BACH2: variants seen among roughly 807,000 people sequenced by gnomAD.
The protein encoded by BACH2 is BACH transcriptional regulator 2, also known as transcription regulator protein BACH2.
Under a neutral mutation model 61.8 loss-of-function variants are expected in BACH2, and 5 were observed. The observed-to-expected ratio is 0.08, with a 90% CI of 0.04 to 0.17. BACH2 has a LOEUF of 0.17. Ranked by LOEUF, BACH2 falls within the 10% of genes least tolerant of loss-of-function variation. The pLI, the probability that BACH2 is intolerant of heterozygous loss-of-function variation, is 1.00. For synonymous variants in BACH2, 446 were observed against 440.1 expected (o/e 1.01, Z -0.17); for missense variants, 824 against 1,091.1 (o/e 0.76, Z 3.45).
intron 7 of BACH2, among the ~76,000 whole-genome samples, chr6:89,947,368 G>A (rs1584513790): frequency 6.6e-6 from 1 of 152,150 alleles, no homozygotes. Context: ...GTCATGGCAA[G>A]TCCCTGAGAC....
intron 3 of BACH2, among the ~76,000 whole-genome samples, chr6:90,251,335 G>T: frequency 6.6e-6 from 1 of 152,082 alleles, no homozygotes. Context: ...TTTTAGACAA[G>T]ATCAGGCACG....
chr6:89,980,485 T>G lies in BACH2; in HGVS notation c.243+28117A>C, dbSNP rs572953193. 4.6e-4 allele frequency among the ~76,000 whole-genome samples: 70 copies of G among 152,370 alleles called. 1 individual carries two copies. The South Asian group carries it at 0.014, about 30-fold the overall frequency. On this transcript the variant is annotated intron_variant, in intron 6 of 8. Transcript: ENST00000257749. The stretch of plus-strand genomic sequence containing the variant: ...TCTATTGTTATGATTATTGCCATTA[T>G]GATGACAATCATCAAGTGAGGCTGC...
rs995840608 is a variant in BACH2, at chr6:89,927,453, A to C, written c.*4955T>G. Reference sequence around the variant, plus strand: ...TGCGTCTGATTATTCCCATGGGAGCACTTGGCACTGAATGTGAGTCTACCT... The same window carrying C: ...TGCGTCTGATTATTCCCATGGGAGCCCTTGGCACTGAATGTGAGTCTACCT... On this transcript the variant is annotated 3_prime_UTR_variant, in exon 9 of 9. Coordinates refer to ENST00000257749, the MANE Select transcript of BACH2 (RefSeq NM_021813.4). The C allele has an allele frequency of 1.3e-5, 2 of 152,822 alleles. No homozygotes were observed. The highest frequency in any genetic ancestry group is 1.3e-4 in the Admixed American group (2 of 15,288). The allele number at this position is 152,822 out of a possible 1,614,324, so 9.5% of individuals were successfully genotyped here.
intron 4 of BACH2, among the ~76,000 whole-genome samples, chr6:90,115,201 C>A (rs1248292594): frequency 2.0e-5 from 3 of 151,980 alleles, no homozygotes; most frequent in Non-Finnish European, 4.4e-5. Flanking sequence ...GAAAAAAGAG[C>A]CCAAATAGCC....
At chr6:90,199,968 C>G (rs1291440365) in intron 4 of BACH2, among the ~76,000 whole-genome samples, 4 of 152,128 alleles carry the variant, frequency 2.6e-5, no homozygotes, top group Non-Finnish European at 5.9e-5. Context: ...CATCTCACGG[C>G]CCTTTTACAG....
At chr6:90,052,661 TCTGC>T (rs1260246805) in intron 5 of BACH2, among the ~76,000 whole-genome samples, 1 of 152,202 alleles carries the variant, frequency 6.6e-6, no homozygotes, top group Non-Finnish European at 1.5e-5. Context: ...CCTCAAGTGA[TCTGC>T]CTGCCTCAGT....
intron 7 of BACH2, among the ~76,000 whole-genome samples, chr6:89,939,335 T>A (rs1352420266): frequency 6.6e-6 from 1 of 152,208 alleles, no homozygotes; most frequent in Non-Finnish European, 1.5e-5. Flanking sequence ...CCAGCCAACA[T>A]CTGACTTCAC....
intron 4 of BACH2, among the ~76,000 whole-genome samples, chr6:90,191,434 C>A (rs1051277974): frequency 6.6e-6 from 1 of 152,200 alleles, no homozygotes; most frequent in African/African-American, 2.4e-5. Flanking sequence ...ATGGCTCATT[C>A]TTTTAAGAAC....
chr6:90,163,611 T>C (rs1183343731), intron 4 of BACH2, among the ~76,000 whole-genome samples: 4 of 152,114 alleles, frequency 2.6e-5, no homozygotes, highest in South Asian at 4.1e-4. Context: ...AGACTAAAGG[T>C]AGATGATATC....
At chr6:90,049,737 G>T (rs755430190) in intron 5 of BACH2, among the ~76,000 whole-genome samples, 3 of 152,166 alleles carry the variant, frequency 2.0e-5, no homozygotes, top group Non-Finnish European at 4.4e-5. Flanking sequence ...ATTATTATTT[G>T]TACTAAATCT....
chr6:90,135,070 G>A lies in BACH2; in HGVS notation c.-161-45961C>T, dbSNP rs926356635. On this transcript the variant is annotated intron_variant, in intron 4 of 8. Transcript: ENST00000257749. Reference sequence around the variant, plus strand: ...CTCCTGCCCCAATGGAGTGATGACCGTGCAACAGTATCACCTCCCTGGCAG... The same window carrying A: ...CTCCTGCCCCAATGGAGTGATGACCATGCAACAGTATCACCTCCCTGGCAG... Among the ~76,000 whole-genome samples, 4 of 152,138 alleles carry A rather than the reference G, an allele frequency of 2.6e-5. No homozygotes were observed. In the East Asian group the frequency reaches 5.8e-4, roughly 22 times the overall value.
At chr6:90,102,465 C>T (rs1335037590) in intron 4 of BACH2, among the ~76,000 whole-genome samples, 3 of 152,134 alleles carry the variant, frequency 2.0e-5, no homozygotes, top group Non-Finnish European at 4.4e-5. Context: ...AAACCACATT[C>T]TAAAGGAGTT....
At chr6:90,284,894 A>G (rs1301313486) in intron 1 of BACH2, among the ~76,000 whole-genome samples, 1 of 152,198 alleles carries the variant, frequency 6.6e-6, no homozygotes, top group Non-Finnish European at 1.5e-5. Flanking sequence ...ACTTCCATCA[A>G]CATCATGTTA....
intron 6 of BACH2, among the ~76,000 whole-genome samples, chr6:89,969,093 G>A (rs1382921282): frequency 1.6e-5 from 2 of 121,508 alleles, no homozygotes; most frequent in Non-Finnish European, 3.3e-5. Flanking sequence ...CACTCTTGTT[G>A]CCCAGGCTGG....
intron 4 of BACH2, among the ~76,000 whole-genome samples, chr6:90,089,465 G>A (rs1320100778): frequency 6.6e-6 from 1 of 151,996 alleles, no homozygotes; most frequent in Admixed American, 6.6e-5. Context: ...CAGCAAATCA[G>A]AACACCTTGG....
In BACH2 at chr6:90,283,244, C is replaced by T. The variant is rs1771911891; in HGVS notation, c.-445-11303G>A. 2.0e-5 allele frequency among the ~76,000 whole-genome samples: 3 copies of T among 152,214 alleles called. No individual in the cohort carries two copies. The South Asian group carries it at 6.2e-4, about 32-fold the overall frequency. On this transcript the variant is annotated intron_variant, in intron 1 of 8. Transcript: ENST00000257749. ...TTTATTGATTCACATGTGTGCTGAA[C>T]CAGTATTATTTATGTGCCACAAACG...
chr6:90,033,150 T>G (rs1051580248), intron 5 of BACH2, among the ~76,000 whole-genome samples: 6 of 151,658 alleles, frequency 4.0e-5, no homozygotes, highest in Non-Finnish European at 7.4e-5. Flanking sequence ...AGGTGCGAAT[T>G]GAACAATGAG....
chr6:90,150,226 G>A (rs551390257), intron 4 of BACH2, among the ~76,000 whole-genome samples: 1 of 152,188 alleles, frequency 6.6e-6, no homozygotes, highest in South Asian at 2.1e-4. Flanking sequence ...CACTACTCTA[G>A]TTTGGACTTT....
At chr6:90,085,100 A>G (rs1395134383) in intron 5 of BACH2, among the ~76,000 whole-genome samples, 1 of 152,208 alleles carries the variant, frequency 6.6e-6, no homozygotes, top group African/African-American at 2.4e-5. Context: ...TGTTCCTCAC[A>G]GGACTACCGG....
Sources: allele counts gnomAD v4.1 joint callset (sites outside exome capture counted in the v4.1 genomes callset), GRCh38; gene constraint gnomAD v4.1.1; transcripts MANE v1.5; gene names NCBI Gene and HGNC (gene_info 2026-07-23, HGNC 2026-07-21).